TPCN1: variants seen among roughly 807,000 people sequenced by gnomAD.
TPCN1 encodes two pore channel protein 1.
In TPCN1, 52 loss-of-function variants were observed where a neutral mutation model predicts 108.8. The observed-to-expected ratio is 0.48, with a 90% CI of 0.38 to 0.60. The LOEUF is 0.60. Ranked by LOEUF, TPCN1 falls within the 20% of genes least tolerant of loss-of-function variation. The pLI is 0.00. For synonymous variants in TPCN1, 446 were observed against 433.7 expected, an observed-to-expected ratio of 1.03 and a Z score of -0.35; for missense variants, 806 against 1,072.8, an observed-to-expected ratio of 0.75 and a Z score of 3.47.
At position 113,232,410 on chromosome 12, in the gene TPCN1, C is replaced by G. The variant is rs780510869; in HGVS notation, c.112+5446C>G. ...GTCAAGGTGGGCCAGAGCTGTTGGC[C>G]GCAGGGCCGCCGTAGCCAGGAGGAG... On this transcript the variant is annotated intron_variant, in intron 2 of 27. Transcript: ENST00000335509. The surrounding 1 kb of genome is among the most constrained non-coding windows in gnomAD (Gnocchi z 5.6). Among the ~76,000 whole-genome samples, 7 of 152,240 alleles carry G rather than the reference C, an allele frequency of 4.6e-5. No homozygotes were observed.
In TPCN1 at chr12:113,284,704, T is replaced by G; in HGVS notation, c.1400-14T>G. The G allele has an allele frequency of 6.2e-7, 1 of 1,614,238 alleles. No homozygotes were observed. Among genetic ancestry groups the G allele is most frequent in the Non-Finnish European group, 8.5e-7 (1 of 1,180,036 alleles). On this transcript the variant is annotated splice_polypyrimidine_tract_variant and intron_variant, in intron 16 of 27. Transcript: ENST00000335509. The surrounding 1 kb of genome is among the most constrained non-coding windows in gnomAD (Gnocchi z 4.1). ...CCTGGCTTACCTGTGAGCTGCTACT[T>G]CTCTGTCTTACAGGTGGGAACTTCT... is the stretch of plus-strand genomic sequence containing the variant.
chr12:113,282,697 C>T (rs1013703640), intron 15 of TPCN1, among the ~76,000 whole-genome samples: 12 of 150,176 alleles, frequency 8.0e-5, no homozygotes, highest in Non-Finnish European at 1.6e-4. Flanking sequence ...GTTGAGGCTG[C>T]AGTGTGCCAT....
chr12:113,257,506 C>T (rs1954870434), intron 2 of TPCN1, among the ~76,000 whole-genome samples: 1 of 150,182 alleles, frequency 6.7e-6, no homozygotes, highest in Non-Finnish European at 1.5e-5. Context: ...AAAAAAAATG[C>T]TTAAAAAGAG....
chr12:113,238,927 T>C (rs747427474), intron 2 of TPCN1, among the ~76,000 whole-genome samples: 1 of 152,048 alleles, frequency 6.6e-6, no homozygotes, highest in Non-Finnish European at 1.5e-5. Context: ...GGCCAGGAAT[T>C]TGAGACCAGC....
chr12:113,291,075 AT>A (rs1956250652), intron 23 of TPCN1, 77 bp downstream of exon 23: 1 of 1,364,386 alleles, frequency 7.3e-7, no homozygotes, highest in Admixed American at 1.7e-5. Context: ...AACCCAGAGT[AT>A]ATAATTCTTC....
Position 113,232,668 on chromosome 12 carries a change from C to T in TPCN1, c.112+5704C>T, listed in dbSNP as rs563484440. ...CTGCTCTAAGCCTCAGCCTGCTCAT[C>T]TGTAGAATGTGACCATGATGGCATC... is the stretch of plus-strand genomic sequence containing the variant. On this transcript the variant is annotated intron_variant, in intron 2 of 27. Transcript: ENST00000335509. This position sits in a 1 kb window ranked among gnomAD's most constrained non-coding sequence, Gnocchi z 5.6. 6.6e-6 allele frequency among the ~76,000 whole-genome samples: 1 copy of T among 152,340 alleles called. No homozygotes were observed. The highest frequency in any genetic ancestry group is 1.9e-4 in the East Asian group (1 of 5,182).
chr12:113,237,732 C>T (rs1042654573), intron 2 of TPCN1, among the ~76,000 whole-genome samples: 8 of 152,198 alleles, frequency 5.3e-5, no homozygotes, highest in African/African-American at 1.9e-4. Flanking sequence ...CATAGGCTCA[C>T]CTGGCCTGGG....
At position 113,230,395 on chromosome 12, in the gene TPCN1, C is replaced by A. The variant is rs1323538211; in HGVS notation, c.112+3431C>A. Among the ~76,000 whole-genome samples the A allele has an allele frequency of 2.7e-5, 4 of 147,468 alleles. No individual in the cohort carries two copies. In the East Asian group the frequency reaches 8.0e-4, roughly 30 times the overall value. On this transcript the variant is annotated intron_variant, in intron 2 of 27. Transcript: ENST00000335509. ...CCTCCACCTCCCAGGTTCAAGTGATCCTCCCACCTCAGCAGCTGAGACTAC... is the reference window on the plus strand; with the variant it reads ...CCTCCACCTCCCAGGTTCAAGTGATACTCCCACCTCAGCAGCTGAGACTAC...
At chr12:113,295,443 TAAAAAAAAAAA>T (rs61221998) in intron 27 of TPCN1, among the ~76,000 whole-genome samples, 2 of 92,076 alleles carry the variant, frequency 2.2e-5, no homozygotes, top group Non-Finnish European at 4.4e-5. Flanking sequence ...CTCTGTCTCC[TAAAAAAAAAAA>T]AAAAAAAAAG....
chr12:113,292,529 A>C (rs2136772759), intron 25 of TPCN1: 1 of 192,906 alleles, frequency 5.2e-6, no homozygotes, highest in South Asian at 1.0e-4. Context: ...CCAGGAGGTC[A>C]AGACTGCAGT....
rs57244834 is a variant in TPCN1, at chr12:113,278,172, T to A, written c.1185-17T>A. 6.2e-7 allele frequency: 1 copy of A among 1,612,356 alleles called. No individual in the cohort carries two copies. Among genetic ancestry groups the A allele is most frequent in the Non-Finnish European group, 8.5e-7 (1 of 1,178,656 alleles). Reference sequence around the variant, plus strand: ...TATGTTCTGATATTTTGTCCCTTTTTATTTTGCTTTTGGTAGCCTAAAGGA... The same window carrying A: ...TATGTTCTGATATTTTGTCCCTTTTAATTTTGCTTTTGGTAGCCTAAAGGA... On this transcript the variant is annotated splice_polypyrimidine_tract_variant and intron_variant, in intron 12 of 27. Transcript: ENST00000335509.
rs557584323 is a variant in TPCN1, at chr12:113,273,239, G to A, written c.791G>A (p.Ser264Asn). 1.2e-6 allele frequency: 2 copies of A among 1,614,220 alleles called. No individual in the cohort carries two copies. Among genetic ancestry groups the A allele is most frequent in the Admixed American group, 3.3e-5 (2 of 60,030 alleles). The change falls in exon 9 of 28, where the codon AGC becomes AAC. Residue 264 changes from serine (S) to asparagine (N), a missense_variant. By Grantham distance (46) the Ser-to-Asn change is conservative. Coordinates refer to ENST00000335509, the MANE Select transcript of TPCN1 (RefSeq NM_017901.6). This position sits in a 1 kb window ranked among gnomAD's most constrained non-coding sequence, Gnocchi z 4.0. ...FSPNPSDPYF[S>N]TLENSIVSLF... ...CCCTCTCTTCCCTTGCAGTACTTCA[G>A]CACCCTGGAGAACAGCATCGTCAGT...
intron 15 of TPCN1, among the ~76,000 whole-genome samples, chr12:113,282,351 C>T (rs1341582052): frequency 6.6e-6 from 1 of 151,878 alleles, no homozygotes; most frequent in African/African-American, 2.4e-5. Flanking sequence ...CCTCGGCCTC[C>T]CAAAGTGCTA....
rs549049017 is a variant in TPCN1, at chr12:113,268,197, C to T, written c.528+241C>T. On this transcript the variant is annotated intron_variant, in intron 5 of 27. Transcript: ENST00000335509. This position sits in a 1 kb window ranked among gnomAD's most constrained non-coding sequence, Gnocchi z 7.3. ...TGCCAGGCACTGGCGCAGTCACCTT[C>T]GAGAGAGATGTGCTGCTCTCCGTGG... Among the ~76,000 whole-genome samples the T allele has an allele frequency of 4.1e-4, 63 of 152,292 alleles. No individual in the cohort carries two copies. Among genetic ancestry groups the T allele is most frequent in the Non-Finnish European group, 7.6e-4 (52 of 68,016 alleles).
At chr12:113,261,244 T>C (rs1955018816) in intron 3 of TPCN1, among the ~76,000 whole-genome samples, 1 of 151,998 alleles carries the variant, frequency 6.6e-6, no homozygotes, top group African/African-American at 2.4e-5. Flanking sequence ...TTACAATAAA[T>C]TTAGATACAA....
chr12:113,298,084 T>C lies in TPCN1; in HGVS notation c.*2008T>C, dbSNP rs569108591. The C allele has an allele frequency of 6.6e-6, 1 of 152,372 alleles. No individual in the cohort carries two copies. The highest frequency in any genetic ancestry group is 1.5e-5 in the Non-Finnish European group (1 of 68,076). 9.4% of individuals were successfully genotyped at this position (152,372 alleles called of 1,614,324 possible). On this transcript the variant is annotated 3_prime_UTR_variant, in exon 28 of 28. Transcript: ENST00000335509. ...TGTCCAGAGCGAGTTAATGTGTCCA[T>C]CTGCCCAACCCTGTCCTGAGAAAGG...
intron 3 of TPCN1, 41 bp downstream of exon 3, chr12:113,260,533 G>A (rs1954990729): frequency 1.9e-6 from 3 of 1,546,014 alleles, no homozygotes; most frequent in Non-Finnish European, 2.6e-6. Flanking sequence ...GTCTGCACCT[G>A]TTGGTGGGGT....
At chr12:113,223,079 T>C (rs950116656) in intron 1 of TPCN1, among the ~76,000 whole-genome samples, 1 of 152,222 alleles carries the variant, frequency 6.6e-6, no homozygotes, top group Non-Finnish European at 1.5e-5. Context: ...CATCTGGGAT[T>C]TCCTCTTCTG....
At chr12:113,228,115 A>G (rs1953541116) in intron 2 of TPCN1, among the ~76,000 whole-genome samples, 1 of 152,198 alleles carries the variant, frequency 6.6e-6, no homozygotes, top group African/African-American at 2.4e-5. Context: ...GCTAGGCAGT[A>G]TTATCCCTAT....
Sources: gnomAD v4.1 joint callset for allele counts (sites outside exome capture counted in the v4.1 genomes callset) on GRCh38, gnomAD v4.1.1 for gene constraint, Gnocchi (gnomAD v3.1) non-coding constraint, MANE v1.5 for transcripts, NCBI Gene and HGNC (gene_info 2026-07-23, HGNC 2026-07-21) for gene names.